Variants in PDSS1 observed in about 807,000 individuals in gnomAD.
PDSS1 encodes all trans-polyprenyl-diphosphate synthase PDSS1.
Under a neutral mutation model 57.5 loss-of-function variants are expected in PDSS1, and 43 were observed. The observed-to-expected ratio is 0.75, with a 90% CI of 0.59 to 0.96. The LOEUF (loss-of-function observed/expected upper bound fraction) is 0.96. Ranked by LOEUF, PDSS1 falls within the 50% of genes least tolerant of loss-of-function variation. The pLI, the probability that PDSS1 is intolerant of heterozygous loss-of-function variation, is 0.00. For synonymous variants in PDSS1, 175 were observed against 191.3 expected, an observed-to-expected ratio of 0.91 and a Z score of 0.70; for missense variants, 438 against 527.8, an observed-to-expected ratio of 0.83 and a Z score of 1.67.
chr10:26,735,928 G>A (rs570980808), intron 10 of PDSS1, among the ~76,000 whole-genome samples: 113 of 152,216 alleles, frequency 7.4e-4, no homozygotes, highest in African/African-American at 2.4e-3. Context: ...CAAAGTGAAC[G>A]GTTTCTAAGT....
intron 5 of PDSS1, among the ~76,000 whole-genome samples, chr10:26,718,517 T>C (rs1439326939): frequency 1.3e-5 from 2 of 151,946 alleles, no homozygotes; most frequent in African/African-American, 4.8e-5. Context: ...TCCCAGCACT[T>C]TGGGAAGCTG....
chr10:26,744,725 C>T (rs946109395), intron 11 of PDSS1, among the ~76,000 whole-genome samples: 2 of 152,070 alleles, frequency 1.3e-5, no homozygotes, highest in African/African-American at 4.8e-5. Context: ...TGCAGATGTA[C>T]TTCAGGAAAA....
chr10:26,731,758 G>A (rs1411781378), intron 8 of PDSS1, among the ~76,000 whole-genome samples: 3 of 152,228 alleles, frequency 2.0e-5, no homozygotes, highest in Non-Finnish European at 4.4e-5. Context: ...TCCTTTCTGA[G>A]TGAGGTGGAA....
At chr10:26,701,572 T>C (rs946388022) in intron 1 of PDSS1, among the ~76,000 whole-genome samples, 3 of 152,352 alleles carry the variant, frequency 2.0e-5, no homozygotes, top group East Asian at 1.9e-4. Context: ...CATGTGCTGC[T>C]GAGCCTGCAA....
intron 8 of PDSS1, among the ~76,000 whole-genome samples, chr10:26,731,310 C>T (rs939615035): frequency 1.3e-5 from 2 of 152,060 alleles, no homozygotes; most frequent in Non-Finnish European, 2.9e-5. Context: ...CACTGCACTC[C>T]AGCATGGGCG....
chr10:26,743,544 A>G (rs1343099013), intron 11 of PDSS1, among the ~76,000 whole-genome samples: 5 of 152,218 alleles, frequency 3.3e-5, no homozygotes, highest in Non-Finnish European at 7.3e-5. Flanking sequence ...TACTATTAAA[A>G]ACTATGGCAG....
In PDSS1 at chr10:26,744,485, G is replaced by A. The variant is rs183412159; in HGVS notation, c.1108-1848G>A. Among the ~76,000 whole-genome samples the A allele has an allele frequency of 3.6e-3, 541 of 152,154 alleles. 5 individuals carry two copies. Among genetic ancestry groups the A allele is most frequent in the East Asian group, 0.029 (149 of 5,156 alleles). On this transcript the variant is annotated intron_variant, in intron 11 of 11. Coordinates refer to ENST00000376215, the MANE Select transcript of PDSS1 (RefSeq NM_014317.5). The stretch of plus-strand genomic sequence containing the variant: ...GGCTCACTGCAACCTCCGCCTCCCG[G>A]GTTCAAGTGATTCTCCTGCCTCAGC...
In PDSS1 at chr10:26,697,718, T is replaced by C. The variant is rs1172253611; in HGVS notation, c.7T>C (p.Ser3Pro). 3 of 1,297,594 alleles carry C rather than the reference T, an allele frequency of 2.3e-6. No individual in the cohort carries two copies. Among genetic ancestry groups the C allele is most frequent in the East Asian group, 6.3e-5 (2 of 31,656 alleles). 80.4% of individuals were successfully genotyped at this position (1,297,594 alleles called of 1,614,324 possible). A position where few individuals can be genotyped will look rare whatever the true frequency, so the allele number is the denominator to read the frequency against. Residue 3 changes from serine (S) to proline (P), a missense_variant, in exon 1 of 12, where the codon TCG (serine) becomes CCG (proline). Physicochemically the swap from Ser to Pro is moderately conservative, Grantham distance 74. Coordinates refer to ENST00000376215, the MANE Select transcript of PDSS1 (RefSeq NM_014317.5). MA[S>P]RWWRWRRGCS... ...CGACTTTCAGACTCCGACCATGGCC[T>C]CGCGCTGGTGGCGGTGGCGGCGCGG...
At chr10:26,742,916 G>A (rs1836680772) in intron 11 of PDSS1, among the ~76,000 whole-genome samples, 1 of 152,154 alleles carries the variant, frequency 6.6e-6, no homozygotes, top group Admixed American at 6.6e-5. Context: ...CAGAATCACT[G>A]GGCCCCCAGT....
At chr10:26,738,081 G>T (rs1836465739) in intron 10 of PDSS1, among the ~76,000 whole-genome samples, 1 of 152,216 alleles carries the variant, frequency 6.6e-6, no homozygotes, top group Non-Finnish European at 1.5e-5. Context: ...GCAAGGTTAG[G>T]CTCTTTTGTG....
At chr10:26,739,000 A>G (rs1253035643) in intron 10 of PDSS1, among the ~76,000 whole-genome samples, 1 of 152,238 alleles carries the variant, frequency 6.6e-6, no homozygotes, top group Non-Finnish European at 1.5e-5. Context: ...TTCTCTGGTG[A>G]AACTTTTTTA....
intron 6 of PDSS1, among the ~76,000 whole-genome samples, chr10:26,721,423 T>TACACACAC (rs1554795596): frequency 2.2e-4 from 33 of 149,364 alleles, no homozygotes; most frequent in African/African-American, 6.4e-4. Context: ...GATATATGTA[T>TACACACAC]ACACACACAC....
At chr10:26,702,378 T>C (rs369955026) in intron 2 of PDSS1, among the ~76,000 whole-genome samples, 184 bp downstream of exon 2, 1 of 152,184 alleles carries the variant, frequency 6.6e-6, no homozygotes, top group Non-Finnish European at 1.5e-5. Context: ...AATCCCCATG[T>C]GTCAAAGGAG....
chr10:26,700,367 G>A (rs887365267), intron 1 of PDSS1, among the ~76,000 whole-genome samples: 1 of 151,930 alleles, frequency 6.6e-6, no homozygotes, highest in Non-Finnish European at 1.5e-5. Context: ...AGTTTGGGAG[G>A]CCGAGGCAGG....
intron 8 of PDSS1, among the ~76,000 whole-genome samples, chr10:26,731,331 A>G (rs1378200001): frequency 6.6e-6 from 1 of 152,108 alleles, no homozygotes; most frequent in Non-Finnish European, 1.5e-5. Flanking sequence ...ACAAAGTGAG[A>G]CTCCATCTCA....
In PDSS1 at chr10:26,697,706, C is replaced by A; in HGVS notation, c.-6C>A. 1 of 1,293,060 alleles carries A rather than the reference C, an allele frequency of 7.7e-7. No homozygotes were observed. Among genetic ancestry groups the A allele is most frequent in the Non-Finnish European group, 9.8e-7 (1 of 1,023,264 alleles). The allele number at this position is 1,293,060 out of a possible 1,614,324, so 80.1% of individuals were successfully genotyped here. On this transcript the variant is annotated 5_prime_UTR_variant, in exon 1 of 12. Transcript: ENST00000376215. ...GCCGCCCTGCCGCGACTTTCAGACT[C>A]CGACCATGGCCTCGCGCTGGTGGCG...
At chr10:26,701,646 T>G (rs545568561) in intron 1 of PDSS1, among the ~76,000 whole-genome samples, 1 of 152,302 alleles carries the variant, frequency 6.6e-6, no homozygotes, top group South Asian at 2.1e-4. Flanking sequence ...TGGAAATGCC[T>G]CAATGCCCAA....
chr10:26,739,067 CTTAT>C (rs1836497690), intron 10 of PDSS1, among the ~76,000 whole-genome samples: 1 of 152,088 alleles, frequency 6.6e-6, no homozygotes, highest in African/African-American at 2.4e-5. Context: ...GCTTCTCTTC[CTTAT>C]TTGATAAGTC....
chr10:26,741,783 A>G (rs1836620631), intron 10 of PDSS1, among the ~76,000 whole-genome samples: 1 of 152,196 alleles, frequency 6.6e-6, no homozygotes, highest in African/African-American at 2.4e-5. Flanking sequence ...AATGCATGCC[A>G]AGGCTCCATC....
Sources: gnomAD v4.1 joint callset for allele counts (sites outside exome capture counted in the v4.1 genomes callset) on GRCh38, gnomAD v4.1.1 for gene constraint, MANE v1.5 for transcripts, NCBI Gene and HGNC (gene_info 2026-07-23, HGNC 2026-07-21) for gene names.